RNF157: variants seen among roughly 807,000 people sequenced by gnomAD.
The protein encoded by RNF157 is E3 ubiquitin ligase RNF157.
A neutral mutation model predicts 88.3 loss-of-function variants in RNF157; 55 were observed. The ratio of observed to expected loss-of-function variants is 0.62; its 90% CI spans 0.50 to 0.78. The LOEUF is 0.78. Among genes scored for constraint, RNF157 ranks in the 30% least tolerant of loss-of-function variants. RNF157 has a pLI of 0.00. For missense variants in RNF157, 788 were observed against 860.8 expected (o/e 0.92, Z 1.06); for synonymous variants, 334 against 341.2 (o/e 0.98, Z 0.23).
intron 7 of RNF157, 36 bp from the exon 8 acceptor site, chr17:76,164,831 GA>G: frequency 6.5e-7 from 1 of 1,534,632 alleles, no homozygotes; most frequent in Non-Finnish European, 9.0e-7. Flanking sequence ...ACAAGGAAGG[GA>G]GGGTAATAAA....
intron 1 of RNF157, among the ~76,000 whole-genome samples, chr17:76,222,300 T>A (rs939887085): frequency 1.3e-5 from 2 of 150,170 alleles, no homozygotes; most frequent in Admixed American, 1.3e-4. Context: ...GAGCTGAGGA[T>A]CGTGTCACTG....
At chr17:76,155,876 A>C (rs2068755621) in intron 14 of RNF157, 142 bp from the exon 15 acceptor site, 1 of 751,622 alleles carries the variant, frequency 1.3e-6, no homozygotes, top group Admixed American at 3.2e-5. Context: ...AAGTGGTTTT[A>C]GGTTTATGGT....
At chr17:76,169,772 G>A (rs2068986081) in intron 3 of RNF157, among the ~76,000 whole-genome samples, 1 of 151,738 alleles carries the variant, frequency 6.6e-6, no homozygotes, top group South Asian at 2.1e-4. Context: ...GTAGAGATGG[G>A]GTTTCTCCAT....
chr17:76,167,771 C>T lies in RNF157; in HGVS notation c.323G>A (p.Gly108Glu). ...VKCAEEVKSP[G>E]EEASKAKVHY... ...GACTTTAGCTTTACTGGCCTCTTCT[C>T]CAGGGCTCTTCACTTCCTCAGCACA... Residue 108 changes from glycine to glutamate, a missense_variant, in exon 4 of 19, where the codon GGA becomes GAA. Gly to Glu is a moderately conservative substitution (Grantham distance 98). Transcript: ENST00000269391. The T allele has an allele frequency of 6.2e-7, 1 of 1,614,134 alleles. No homozygotes were observed. The highest frequency in any genetic ancestry group is 8.5e-7 in the Non-Finnish European group (1 of 1,179,970).
In RNF157 at chr17:76,212,498, C is replaced by T; in HGVS notation, c.89-16G>A. On this transcript the variant is annotated splice_polypyrimidine_tract_variant and intron_variant, in intron 1 of 18. Transcript: ENST00000269391. ...AAATAGCTTCCTAGAGAGGAACAAACAAAAAAAATCAAACAAGCAGAAAAC... is the reference window on the plus strand; with the variant it reads ...AAATAGCTTCCTAGAGAGGAACAAATAAAAAAAATCAAACAAGCAGAAAAC... 7.0e-7 allele frequency: 1 copy of T among 1,418,480 alleles called. No individual in the cohort carries two copies. The highest frequency in any genetic ancestry group is 9.9e-7 in the Non-Finnish European group (1 of 1,010,056). 87.9% of individuals were successfully genotyped at this position (1,418,480 alleles called of 1,614,324 possible). A position where few individuals can be genotyped will look rare whatever the true frequency, so the allele number is the denominator to read the frequency against.
chr17:76,206,633 T>C (rs558421980), intron 2 of RNF157, among the ~76,000 whole-genome samples: 1 of 152,268 alleles, frequency 6.6e-6, no homozygotes, highest in South Asian at 2.1e-4. Context: ...AAACCCTGTC[T>C]CTACTAAAAA....
chr17:76,235,444 C>G (rs112752224), intron 1 of RNF157, among the ~76,000 whole-genome samples: 1 of 151,994 alleles, frequency 6.6e-6, no homozygotes, highest in Admixed American at 6.6e-5. Flanking sequence ...GTGATCTGCC[C>G]GCCTCGGCCT....
In RNF157 at chr17:76,176,749, G is replaced by A. The variant is rs969641634; in HGVS notation, c.208-2959C>T. ...GTAGGGCAAAGAGGAGCCCCGAGGC[G>A]GAGCTGGGCCTTGGCCAGTGTCCCG... On this transcript the variant is annotated intron_variant, in intron 2 of 18. Transcript: ENST00000269391. The surrounding 1 kb of genome is among the most constrained non-coding windows in gnomAD (Gnocchi z 4.2). Among the ~76,000 whole-genome samples, 4 of 152,240 alleles carry A rather than the reference G, an allele frequency of 2.6e-5. No homozygotes were observed. The highest frequency in any genetic ancestry group is 2.9e-5 in the Non-Finnish European group (2 of 68,036).
chr17:76,238,370 A>G (rs769720719), intron 1 of RNF157, among the ~76,000 whole-genome samples: 35 of 152,242 alleles, frequency 2.3e-4, no homozygotes, highest in Non-Finnish European at 4.6e-4. Flanking sequence ...TCTCTCATGT[A>G]TAACTTCTGA....
intron 2 of RNF157, among the ~76,000 whole-genome samples, chr17:76,203,426 T>C (rs1413606007): frequency 6.6e-6 from 1 of 151,968 alleles, no homozygotes; most frequent in Non-Finnish European, 1.5e-5. Flanking sequence ...CTATGACCTT[T>C]ACTGCCATAG....
At chr17:76,156,100 A>G (rs377182641) in intron 14 of RNF157, 110 bp downstream of exon 14, 3 of 797,070 alleles carry the variant, frequency 3.8e-6, no homozygotes, top group African/African-American at 3.4e-5. Flanking sequence ...CTTGTCATGC[A>G]GTACAGGTAT....
At position 76,223,439 on chromosome 17, in the gene RNF157, C is replaced by T. The variant is rs181024480; in HGVS notation, c.89-10957G>A. ...CTGACCTCAGGTGATCCATCCGCCT[C>T]GGCCTCCCAAAGTGCTGGGATTACA... is the stretch of plus-strand genomic sequence containing the variant. On this transcript the variant is annotated intron_variant, in intron 1 of 18. Transcript: ENST00000269391. 2.4e-3 allele frequency among the ~76,000 whole-genome samples: 365 copies of T among 150,384 alleles called. 6 individuals carry two copies. In the East Asian group the frequency reaches 0.038, roughly 16 times the overall value.
At chr17:76,194,968 T>C (rs1240632017) in intron 2 of RNF157, among the ~76,000 whole-genome samples, 1 of 151,922 alleles carries the variant, frequency 6.6e-6, no homozygotes, top group East Asian at 1.9e-4. Context: ...TGAGCCGAGA[T>C]AGCACCACTG....
chr17:76,220,683 G>A (rs995708951), intron 1 of RNF157, among the ~76,000 whole-genome samples: 1 of 151,922 alleles, frequency 6.6e-6, no homozygotes, highest in Non-Finnish European at 1.5e-5. Context: ...AGCTGGGCCA[G>A]GCGCAGTGGC....
chr17:76,183,162 C>T (rs2069225721), intron 2 of RNF157, among the ~76,000 whole-genome samples: 1 of 150,002 alleles, frequency 6.7e-6, no homozygotes, highest in Non-Finnish European at 1.5e-5. Context: ...GTCTCGAACT[C>T]CTGACCTCAG....
intron 1 of RNF157, among the ~76,000 whole-genome samples, chr17:76,224,167 T>A (rs1258298363): frequency 6.6e-6 from 1 of 152,160 alleles, no homozygotes; most frequent in Non-Finnish European, 1.5e-5. Flanking sequence ...CCTTATAATG[T>A]GAACAAAAAA....
intron 1 of RNF157, among the ~76,000 whole-genome samples, chr17:76,234,025 G>A (rs1301013229): frequency 1.3e-5 from 2 of 151,992 alleles, no homozygotes; most frequent in Admixed American, 6.6e-5. Flanking sequence ...CCTCTCCTCA[G>A]CCTCTGGCAG....
chr17:76,164,624 A>AT, intron 8 of RNF157, 124 bp downstream of exon 8: 2 of 507,436 alleles, frequency 3.9e-6, no homozygotes, highest in Non-Finnish European at 6.8e-6. Context: ...AAAAAAAAAA[A>AT]GAGGAAAAGG....
chr17:76,162,436 C>T, intron 9 of RNF157, 116 bp downstream of exon 9: 1 of 725,096 alleles, frequency 1.4e-6, no homozygotes, highest in Non-Finnish European at 2.4e-6. Flanking sequence ...AAGAAAATAC[C>T]CTTCTAAGAC....
Sources: allele counts gnomAD v4.1 joint callset (sites outside exome capture counted in the v4.1 genomes callset), GRCh38; gene constraint gnomAD v4.1.1; non-coding constraint Gnocchi (gnomAD v3.1); transcripts MANE v1.5; gene names NCBI Gene and HGNC (gene_info 2026-07-23, HGNC 2026-07-21).